The following PCDH15 variants were observed in gnomAD, a reference collection of about 807,000 sequenced individuals.
The protein encoded by PCDH15 is protocadherin-15.
PCDH15 carries 129 observed loss-of-function variants against 178.5 expected under a neutral mutation model. The observed-to-expected ratio is 0.72, with a 90% CI of 0.63 to 0.84. The LOEUF (loss-of-function observed/expected upper bound fraction) is 0.84. Among genes scored for constraint, PCDH15 ranks in the 40% least tolerant of loss-of-function variants. The pLI, the probability that PCDH15 is intolerant of heterozygous loss-of-function variation, is 0.00. For synonymous variants in PCDH15, 800 were observed against 732.0 expected (o/e 1.09, Z -1.50); for missense variants, 2,230 against 2,099.9 (o/e 1.06, Z -1.21).
chr10:55,143,753 A>C, intron 2 of PCDH15, among the ~76,000 whole-genome samples: 1 of 152,084 alleles, frequency 6.6e-6, no homozygotes, highest in Admixed American at 6.6e-5. Flanking sequence ...AAGCTGCTAA[A>C]ATTATCAGCC....
chr10:54,633,846 C>G lies in PCDH15; in HGVS notation c.91+30326G>C, dbSNP rs142890718. 4.1e-3 allele frequency among the ~76,000 whole-genome samples: 624 copies of G among 152,178 alleles called. 2 individuals are homozygous for G. The highest frequency in any genetic ancestry group is 0.014 in the African/African-American group (602 of 41,528). On this transcript the variant is annotated intron_variant, in intron 2 of 37. Transcript: ENST00000644397. Reference sequence around the variant, plus strand: ...AACCATGGAGAACTGAAAAACTAAACCTAAATCATAAGAAGAGTTTAGGCA... The same window carrying G: ...AACCATGGAGAACTGAAAAACTAAAGCTAAATCATAAGAAGAGTTTAGGCA...
At chr10:54,140,278 C>T (rs963506089) in intron 14 of PCDH15, among the ~76,000 whole-genome samples, 15 of 152,154 alleles carry the variant, frequency 9.9e-5, no homozygotes, top group African/African-American at 3.6e-4. Context: ...TTCTGCATCA[C>T]ATACCTAAAG....
intron 1 of PCDH15, among the ~76,000 whole-genome samples, chr10:54,692,691 A>ATAACTCCAATCATCCCTGATTGAG (rs1555152843): frequency 2.3e-4 from 34 of 147,266 alleles, no homozygotes; most frequent in Admixed American, 8.6e-4. Flanking sequence ...TTAAAAGCGA[A>ATAACTCCAATCATCCCTGATTGAG]TAACTCCAAA....
At chr10:54,497,963 C>T (rs1488934120) in intron 3 of PCDH15, among the ~76,000 whole-genome samples, 1 of 151,796 alleles carries the variant, frequency 6.6e-6, no homozygotes, top group Non-Finnish European at 1.5e-5. Flanking sequence ...GAACCCCAGA[C>T]AGAGAATATA....
At chr10:54,338,345 C>T (rs528251664) in intron 6 of PCDH15, among the ~76,000 whole-genome samples, 4 of 152,206 alleles carry the variant, frequency 2.6e-5, no homozygotes, top group South Asian at 2.1e-4. Context: ...TAGTAACCTA[C>T]CTAGGAATAA....
intron 6 of PCDH15, 79 bp from the exon 7 acceptor site, chr10:54,329,785 C>T (rs1483963419): frequency 1.0e-6 from 1 of 952,678 alleles, no homozygotes; most frequent in Admixed American, 1.7e-5. Context: ...GATTAATCCT[C>T]TTGGAAGTTA....
chr10:54,516,693 T>A (rs1275210979), intron 3 of PCDH15, among the ~76,000 whole-genome samples: 2 of 151,536 alleles, frequency 1.3e-5, no homozygotes, highest in Non-Finnish European at 3.0e-5. Context: ...ACGTTCAGAT[T>A]CAGGAAATAC....
chr10:55,268,360 C>A (rs1473089269), intron 1 of PCDH15, among the ~76,000 whole-genome samples: 1 of 152,102 alleles, frequency 6.6e-6, no homozygotes, highest in Non-Finnish European at 1.5e-5. Context: ...TACATACACA[C>A]AAAATCACAT....
intron 1 of PCDH15, among the ~76,000 whole-genome samples, chr10:55,315,698 T>C (rs1843707236): frequency 6.6e-6 from 1 of 152,160 alleles, no homozygotes; most frequent in Non-Finnish European, 1.5e-5. Flanking sequence ...TCAGGAGTAA[T>C]GAAGTCTGCA....
At chr10:54,709,621 T>TATATATA (rs2095408119) in intron 1 of PCDH15, among the ~76,000 whole-genome samples, 1 of 143,928 alleles carries the variant, frequency 6.9e-6, no homozygotes, top group African/African-American at 2.6e-5. Flanking sequence ...CATATATATA[T>TATATATA]ATATATAAAA....
intron 6 of PCDH15, among the ~76,000 whole-genome samples, chr10:54,345,833 A>G (rs932855093): frequency 7.1e-5 from 9 of 127,246 alleles, no homozygotes; most frequent in African/African-American, 2.4e-4. Context: ...AAAAAAAAAA[A>G]AGAAATCATC....
At chr10:54,525,242 G>A (rs2083261348) in intron 3 of PCDH15, among the ~76,000 whole-genome samples, 2 of 152,160 alleles carry the variant, frequency 1.3e-5, no homozygotes, top group South Asian at 4.1e-4. Flanking sequence ...AGTTAAGTGA[G>A]CCACAGGCAA....
intron 8 of PCDH15, among the ~76,000 whole-genome samples, chr10:54,313,959 A>G (rs2061067731): frequency 6.6e-6 from 1 of 152,106 alleles, no homozygotes; most frequent in African/African-American, 2.4e-5. Context: ...ACTACTAGTA[A>G]ACAGTCATCA....
At chr10:54,201,658 AT>A (rs2050240292) in intron 10 of PCDH15, among the ~76,000 whole-genome samples, 2 of 152,164 alleles carry the variant, frequency 1.3e-5, no homozygotes, top group East Asian at 3.9e-4. Flanking sequence ...TGTATCTTTA[AT>A]TTTAATAGGC....
At chr10:55,353,454 A>T (rs1051635363) in intron 2 of PCDH15, among the ~76,000 whole-genome samples, 4 of 152,170 alleles carry the variant, frequency 2.6e-5, no homozygotes, top group African/African-American at 4.8e-5. Context: ...TTAAATAAAA[A>T]ATATCCTGGT....
intron 1 of PCDH15, among the ~76,000 whole-genome samples, chr10:55,259,088 A>G (rs533828575): frequency 6.6e-6 from 1 of 152,238 alleles, no homozygotes; most frequent in African/African-American, 2.4e-5. Context: ...TGATTAAGCC[A>G]TTCTTCCTTG....
intron 2 of PCDH15, among the ~76,000 whole-genome samples, chr10:54,581,739 G>C (rs2091064294): frequency 6.6e-6 from 1 of 152,012 alleles, no homozygotes; most frequent in Admixed American, 6.6e-5. Context: ...TAGACGTATG[G>C]AACAGAAAAG....
chr10:54,552,788 T>A (rs1234675), intron 2 of PCDH15, among the ~76,000 whole-genome samples: 150,669 of 152,248 alleles, frequency 0.99, 74,560 homozygotes, highest in East Asian at 1. Context: ...AACATTACTC[T>A]GGTAAGAGTT....
At chr10:55,611,449 A>C (rs557377227) in intron 2 of PCDH15, among the ~76,000 whole-genome samples, 4 of 152,190 alleles carry the variant, frequency 2.6e-5, no homozygotes, top group Non-Finnish European at 4.4e-5. Flanking sequence ...GCAAATTAAA[A>C]TGAGATTTCA....
Sources: allele counts gnomAD v4.1 joint callset (sites outside exome capture counted in the v4.1 genomes callset), GRCh38; gene constraint gnomAD v4.1.1; transcripts MANE v1.5; gene names NCBI Gene and HGNC (gene_info 2026-07-23, HGNC 2026-07-21).